Variants in SLC16A7 observed in about 807,000 individuals in gnomAD.
SLC16A7 encodes monocarboxylate transporter 2.
SLC16A7 carries 33 observed loss-of-function variants against 34.9 expected under a neutral mutation model. That is an observed-to-expected ratio of 0.94 (90% CI 0.72 to 1.26). SLC16A7 has a LOEUF of 1.26. Among genes scored for constraint, SLC16A7 ranks in the 50% most tolerant of loss-of-function variants. The probability of loss-of-function intolerance (pLI) is 0.00; values close to 1 mark genes in which losing one functional copy is unlikely to be tolerated. For synonymous variants in SLC16A7, 201 were observed against 206.6 expected (o/e 0.97, Z 0.23); for missense variants, 573 against 578.1 (o/e 0.99, Z 0.09).
intron 3 of SLC16A7, among the ~76,000 whole-genome samples, chr12:59,718,102 A>G (rs1875134924): frequency 6.6e-6 from 1 of 152,194 alleles, no homozygotes; most frequent in African/African-American, 2.4e-5. Context: ...AAATTTAATA[A>G]GGTCAAAATT....
At chr12:59,656,039 G>C (rs1238707388) in intron 2 of SLC16A7, among the ~76,000 whole-genome samples, 1 of 151,974 alleles carries the variant, frequency 6.6e-6, no homozygotes, top group African/African-American at 2.4e-5. Flanking sequence ...AGATTGCTAC[G>C]TATTTTAACT....
intron 3 of SLC16A7, among the ~76,000 whole-genome samples, chr12:59,739,506 G>A (rs543600402): frequency 1.3e-4 from 18 of 142,046 alleles, no homozygotes; most frequent in Admixed American, 1.1e-3. Context: ...ATAAATATAC[G>A]TGTGCATGTG....
At chr12:59,635,444 C>A (rs1323042597) in intron 1 of SLC16A7, among the ~76,000 whole-genome samples, 1 of 152,030 alleles carries the variant, frequency 6.6e-6, no homozygotes, top group East Asian at 1.9e-4. Context: ...TCATGCAATG[C>A]AATAAATGAC....
chr12:59,778,551 C>G (rs900030158), intron 5 of SLC16A7, among the ~76,000 whole-genome samples: 1 of 152,038 alleles, frequency 6.6e-6, no homozygotes, highest in African/African-American at 2.4e-5. Flanking sequence ...GAATTAGATG[C>G]CTGCATAAGC....
At chr12:59,767,528 G>T (rs1592680006) in intron 3 of SLC16A7, among the ~76,000 whole-genome samples, 1 of 152,014 alleles carries the variant, frequency 6.6e-6, no homozygotes, top group East Asian at 1.9e-4. Flanking sequence ...CAAAATCTGT[G>T]GCCCTTAATA....
At chr12:59,602,217 A>G (rs1016213765) in intron 1 of SLC16A7, among the ~76,000 whole-genome samples, 1 of 152,206 alleles carries the variant, frequency 6.6e-6, no homozygotes, top group African/African-American at 2.4e-5. Context: ...TTTTGAAACA[A>G]TGAGTTCTTT....
rs1883410440 is a variant in SLC16A7, at chr12:59,783,659, T to TCTTTTTA, written c.*3980_*3981insCTTTTTA. 6.6e-6 allele frequency: 1 copy of TCTTTTTA among 151,166 alleles called. No individual in the cohort carries two copies. The highest frequency in any genetic ancestry group is 2.4e-5 in the African/African-American group (1 of 41,112). The allele number at this position is 151,166 out of a possible 1,614,324, so 9.4% of individuals were successfully genotyped here. On this transcript the variant is annotated 3_prime_UTR_variant, in exon 6 of 6. Transcript: ENST00000547379. ...GTAATTTCTTTCTTTCTTTCTTTTT[T>TCTTTTTA]TTTTTTTTTGAGACTGAGTCTCGTT...
intron 1 of SLC16A7, among the ~76,000 whole-genome samples, chr12:59,613,448 T>C (rs1268051850): frequency 6.6e-6 from 1 of 152,166 alleles, no homozygotes; most frequent in Non-Finnish European, 1.5e-5. Flanking sequence ...TACCATCACT[T>C]TGGGAGTTAG....
At position 59,684,697 on chromosome 12, in the gene SLC16A7, T is replaced by C. The variant is rs1019997491; in HGVS notation, c.-30-20075T>C. ...CAGTCAGGCAGGGAAATCTCTAGTC[T>C]AGGATGATGGGCAGATACCCAGATA... is the stretch of plus-strand genomic sequence containing the variant. On this transcript the variant is annotated intron_variant, in intron 2 of 5. Coordinates refer to ENST00000547379, the MANE Select transcript of SLC16A7 (RefSeq NM_001270623.2). Among the ~76,000 whole-genome samples the C allele has an allele frequency of 8.5e-5, 13 of 152,146 alleles. No individual in the cohort carries two copies. The East Asian group carries it at 2.5e-3, about 29-fold the overall frequency.
At chr12:59,724,347 A>G (rs1038230201) in intron 3 of SLC16A7, among the ~76,000 whole-genome samples, 6 of 152,100 alleles carry the variant, frequency 3.9e-5, no homozygotes, top group Non-Finnish European at 8.8e-5. Context: ...TCATAGTTTA[A>G]TACAACTTTT....
intron 3 of SLC16A7, among the ~76,000 whole-genome samples, chr12:59,734,817 A>G (rs1218622812): frequency 6.6e-6 from 1 of 152,274 alleles, no homozygotes; most frequent in Admixed American, 6.5e-5. Context: ...TTAAATTCAA[A>G]AAAATATAAA....
chr12:59,694,501 C>T (rs1872051461), intron 2 of SLC16A7, among the ~76,000 whole-genome samples: 1 of 151,906 alleles, frequency 6.6e-6, no homozygotes, highest in South Asian at 2.1e-4. Context: ...TTGCTCCTGC[C>T]TTCTTTATTA....
At chr12:59,750,921 T>C (rs1184558916) in intron 3 of SLC16A7, among the ~76,000 whole-genome samples, 1 of 152,096 alleles carries the variant, frequency 6.6e-6, no homozygotes, top group East Asian at 1.9e-4. Context: ...GGGACATGGA[T>C]GAAGCTGGAA....
At chr12:59,681,242 C>A (rs1473127820) in intron 2 of SLC16A7, among the ~76,000 whole-genome samples, 1 of 152,222 alleles carries the variant, frequency 6.6e-6, no homozygotes, top group East Asian at 1.9e-4. Context: ...AATTTTCCTG[C>A]AGGCGAGACA....
chr12:59,740,619 A>C, intron 3 of SLC16A7, among the ~76,000 whole-genome samples: 1 of 152,172 alleles, frequency 6.6e-6, no homozygotes, highest in Non-Finnish European at 1.5e-5. Context: ...GAATGGGCAA[A>C]AACTGGAAGC....
In SLC16A7 at chr12:59,771,215, G is replaced by C. The variant is rs767096751; in HGVS notation, c.218-4G>C. 1.9e-6 allele frequency: 3 copies of C among 1,610,688 alleles called. No individual in the cohort carries two copies. The highest frequency in any genetic ancestry group is 1.1e-5 in the South Asian group (1 of 90,666). On this transcript the variant is annotated splice_polypyrimidine_tract_variant and splice_region_variant and intron_variant, in intron 3 of 5. Transcript: ENST00000547379. ...AGTATTTCTTTATCTCCTCTCTGCT[G>C]TAGGTCCTGTAAGTAGTGTTTTGGT...
At chr12:59,626,461 C>A (rs897457664) in intron 1 of SLC16A7, among the ~76,000 whole-genome samples, 3 of 151,686 alleles carry the variant, frequency 2.0e-5, no homozygotes, top group African/African-American at 7.3e-5. Flanking sequence ...TCTCATTAAT[C>A]CAGTGAGGTG....
intron 2 of SLC16A7, among the ~76,000 whole-genome samples, chr12:59,678,530 G>A (rs2137067798): frequency 6.6e-6 from 1 of 152,262 alleles, no homozygotes. Context: ...GGAGACTCTG[G>A]AGTGAGTAAC....
intron 2 of SLC16A7, among the ~76,000 whole-genome samples, chr12:59,678,758 G>A (rs1471864402): frequency 2.6e-5 from 4 of 152,112 alleles, no homozygotes; most frequent in Admixed American, 1.3e-4. Context: ...GGTTTCACCT[G>A]GAACCCATCC....
Sources: allele counts gnomAD v4.1 joint callset (sites outside exome capture counted in the v4.1 genomes callset), GRCh38; gene constraint gnomAD v4.1.1; transcripts MANE v1.5; gene names NCBI Gene and HGNC (gene_info 2026-07-23, HGNC 2026-07-21).